Variants in EREG observed in about 807,000 individuals in gnomAD.
The protein encoded by EREG is proepiregulin.
A neutral mutation model predicts 22.4 loss-of-function variants in EREG; 23 were observed. The ratio of observed to expected loss-of-function variants is 1.03; its 90% CI spans 0.74 to 1.46. The LOEUF (loss-of-function observed/expected upper bound fraction) is 1.46, where lower values mean the gene tolerates loss of function less well. Among genes scored for constraint, EREG ranks in the 40% most tolerant of loss-of-function variants. The pLI, the probability that EREG is intolerant of heterozygous loss-of-function variation, is 0.00. For synonymous variants in EREG, 100 were observed against 75.4 expected (o/e 1.33, Z -1.69); for missense variants, 226 against 205.9 (o/e 1.10, Z -0.60).
Position 74,365,202 on chromosome 4 carries a change from C to A in EREG, c.-107C>A, listed in dbSNP as rs571188279. On this transcript the variant is annotated 5_prime_UTR_variant, in exon 1 of 5. In the 5' UTR this introduces an upstream ATG that the reference lacks. Transcript: ENST00000244869. Reference sequence around the variant, plus strand: ...CAGCCAACGTGGGGTCCCTTCTAGGCTGACAGCCGCTCTCCAGCCACTGCC... The same window carrying A: ...CAGCCAACGTGGGGTCCCTTCTAGGATGACAGCCGCTCTCCAGCCACTGCC... The A allele has an allele frequency of 1.2e-6, 1 of 838,914 alleles. No individual in the cohort carries two copies. Among genetic ancestry groups the A allele is most frequent in the Non-Finnish European group, 1.9e-6 (1 of 513,804 alleles). 52.0% of individuals were successfully genotyped at this position (838,914 alleles called of 1,614,324 possible). A position where few individuals can be genotyped will look rare whatever the true frequency, so the allele number is the denominator to read the frequency against.
intron 1 of EREG, among the ~76,000 whole-genome samples, chr4:74,371,032 A>G (rs111818342): frequency 0.015 from 2,237 of 152,142 alleles, 55 homozygotes; most frequent in African/African-American, 0.051. Flanking sequence ...GTCTCTACCC[A>G]CTAGATGTCA....
chr4:74,365,605 T>A (rs373857602), intron 1 of EREG, among the ~76,000 whole-genome samples: 1 of 151,988 alleles, frequency 6.6e-6, no homozygotes, highest in African/African-American at 2.4e-5. Context: ...TATTGGCATA[T>A]ATGTTATGCA....
intron 1 of EREG, among the ~76,000 whole-genome samples, chr4:74,376,433 ATTAG>A (rs1327717352): frequency 8.5e-5 from 13 of 152,226 alleles, no homozygotes; most frequent in African/African-American, 3.1e-4. Flanking sequence ...AGGAAACTGT[ATTAG>A]TTAAAGGATT....
intron 1 of EREG, among the ~76,000 whole-genome samples, chr4:74,377,077 G>T (rs1752393764): frequency 6.6e-6 from 1 of 151,268 alleles, no homozygotes; most frequent in Non-Finnish European, 1.5e-5. Flanking sequence ...CCAGAAGAGG[G>T]CACTGTCCAC....
intron 2 of EREG, 100 bp downstream of exon 2, chr4:74,379,634 G>C (rs1752441656): frequency 2.9e-6 from 2 of 680,492 alleles, no homozygotes; most frequent in Non-Finnish European, 2.6e-6. Context: ...TTTAAAAAAG[G>C]GTAAGAATAG....
rs557743497 is a variant in EREG, at chr4:74,371,639, T to C, written c.67+6264T>C. Among the ~76,000 whole-genome samples, 54 of 152,310 alleles carry C rather than the reference T, an allele frequency of 3.5e-4. No individual in the cohort carries two copies. The South Asian group carries it at 0.011, about 31-fold the overall frequency. On this transcript the variant is annotated intron_variant, in intron 1 of 4. Coordinates refer to ENST00000244869, the MANE Select transcript of EREG (RefSeq NM_001432.3). The stretch of plus-strand genomic sequence containing the variant: ...GTCTTCCATTCCTTTAAAGGCAGTA[T>C]CTCCTCATATGACTTTCAAATAGAC...
intron 1 of EREG, among the ~76,000 whole-genome samples, chr4:74,368,661 G>A (rs1320024596): frequency 2.6e-5 from 4 of 152,128 alleles, no homozygotes; most frequent in Non-Finnish European, 2.9e-5. Context: ...TAATGTTCAC[G>A]TGAAAGATGC....
rs145342792 is a variant in EREG at position 74,384,798 on chromosome 4, C to T, written c.500C>T (p.Pro167Leu). Residue 167 changes from proline (P) to leucine (L), a missense_variant, in exon 5 of 5, where the codon CCG becomes CTG. By Grantham distance (98) the Pro-to-Leu change is moderately conservative (BLOSUM62 -3). Transcript: ENST00000244869. The stretch of plus-strand genomic sequence containing the variant: ...GTTACCTCAGGGGATCCAGAGTTGC[C>T]GCAAGTCTGAATGGCGCCATCAAAC... ...ERVTSGDPEL[P>L]QV 2.7e-5 allele frequency: 43 copies of T among 1,609,360 alleles called. No homozygotes were observed. The highest frequency in any genetic ancestry group is 8.0e-5 in the African/African-American group (6 of 74,748).
rs1452728785 is a variant in EREG at position 74,384,752 on chromosome 4, C to A, written c.454C>A (p.Pro152Thr). 2 of 1,612,244 alleles carry A rather than the reference C, an allele frequency of 1.2e-6. No homozygotes were observed. Among genetic ancestry groups the A allele is most frequent in the East Asian group, 4.5e-5 (2 of 44,830 alleles). ...GTACAGAAATCGAAAAAGTAAAGAA[C>A]CAAAGAAGGAATATGAGAGAGTTAC... ...RWYRNRKSKE[P>T]KKEYERVTSG... The change falls in exon 5 of 5, where the codon CCA becomes ACA. Residue 152 changes from proline (P) to threonine (T), a missense_variant. Transcript: ENST00000244869.
rs1452682650 is a variant in EREG, at chr4:74,379,456, C to T, written c.76C>T (p.Leu26Phe). 1 of 1,601,490 alleles carries T rather than the reference C, an allele frequency of 6.2e-7. No individual in the cohort carries two copies. The highest frequency in any genetic ancestry group is 8.6e-7 in the Non-Finnish European group (1 of 1,168,838). Reference protein sequence around the residue: ...PALLLCLGFHLLQAVLSTTVI... With the variant: ...PALLLCLGFHFLQAVLSTTVI... ...TTTTTCTTCATAAATAGGTTTCCAT[C>T]TTCTACAGGCAGTCCTCAGTACAAC... The change falls in exon 2 of 5, where the codon CTT becomes TTT. Residue 26 changes from leucine to phenylalanine, a missense_variant. Physicochemically the swap from Leu to Phe is conservative, Grantham distance 22. Coordinates refer to ENST00000244869, the MANE Select transcript of EREG (RefSeq NM_001432.3).
chr4:74,366,658 G>C (rs1170528827), intron 1 of EREG, among the ~76,000 whole-genome samples: 1 of 152,176 alleles, frequency 6.6e-6, no homozygotes, highest in African/African-American at 2.4e-5. Context: ...GGTTGCATCT[G>C]AACAATGCAC....
At chr4:74,373,018 T>G (rs1752318772) in intron 1 of EREG, among the ~76,000 whole-genome samples, 1 of 146,450 alleles carries the variant, frequency 6.8e-6, no homozygotes, top group Non-Finnish European at 1.5e-5. Flanking sequence ...GGTTTCACCA[T>G]GTTGGCCAGG....
intron 1 of EREG, among the ~76,000 whole-genome samples, chr4:74,367,126 T>C (rs1227161463): frequency 6.6e-6 from 1 of 152,246 alleles, no homozygotes; most frequent in Non-Finnish European, 1.5e-5. Context: ...ATGTTATAAC[T>C]GCTTTATGTA....
In EREG at chr4:74,365,177, C is replaced by T; in HGVS notation, c.-132C>T. 1 of 684,074 alleles carries T rather than the reference C, an allele frequency of 1.5e-6. No homozygotes were observed. Among genetic ancestry groups the T allele is most frequent in the South Asian group, 1.7e-5 (1 of 59,624 alleles). The allele number at this position is 684,074 out of a possible 1,614,324, so 42.4% of individuals were successfully genotyped here. ...TGATATTTCCAGTGTCAGAGGGACA[C>T]AGCCAACGTGGGGTCCCTTCTAGGC... On this transcript the variant is annotated 5_prime_UTR_variant, in exon 1 of 5. Transcript: ENST00000244869.
In EREG at chr4:74,365,243, C is replaced by T. The variant is rs934720640; in HGVS notation, c.-66C>T. The T allele has an allele frequency of 1.2e-5, 16 of 1,355,168 alleles. No homozygotes were observed. The African/African-American group carries it at 1.7e-4, about 14-fold the overall frequency. The allele number at this position is 1,355,168 out of a possible 1,614,324, so 83.9% of individuals were successfully genotyped here. The stretch of plus-strand genomic sequence containing the variant: ...AGCCACTGCCGCGAGCCCGTCTGCT[C>T]CCGCCCTGCCCGTGCACTCTCCGCA... On this transcript the variant is annotated 5_prime_UTR_variant, in exon 1 of 5. Coordinates refer to ENST00000244869, the MANE Select transcript of EREG (RefSeq NM_001432.3).
At chr4:74,378,712 C>A (rs59257046) in intron 1 of EREG, among the ~76,000 whole-genome samples, 10,987 of 152,128 alleles carry the variant, frequency 0.072, 666 homozygotes, top group African/African-American at 0.17. Flanking sequence ...AAGGGTTCTT[C>A]TTATGATGAT....
rs1306779168 is a variant in EREG, at chr4:74,386,048, G to T, written c.*1240G>T. ...ACTAGGGCTCATTTTCCTGACATTT[G>T]TTTATTTTTTGGAAGAGACAAAGAT... On this transcript the variant is annotated 3_prime_UTR_variant, in exon 5 of 5. Transcript: ENST00000244869. The T allele has an allele frequency of 1.7e-5, 6 of 358,598 alleles. No individual in the cohort carries two copies. The highest frequency in any genetic ancestry group is 1.3e-4 in the African/African-American group (6 of 47,826). 22.2% of individuals were successfully genotyped at this position (358,598 alleles called of 1,614,324 possible).
chr4:74,378,092 C>A (rs1262906410), intron 1 of EREG, among the ~76,000 whole-genome samples: 1 of 152,206 alleles, frequency 6.6e-6, no homozygotes, highest in African/African-American at 2.4e-5. Context: ...TTACCACTTA[C>A]TTAGCTACTT....
intron 1 of EREG, among the ~76,000 whole-genome samples, chr4:74,373,663 G>GTGTATATATT (rs1182585807): frequency 2.0e-5 from 3 of 147,232 alleles, no homozygotes; most frequent in African/African-American, 7.4e-5. Context: ...ATGTATATAT[G>GTGTATATATT]TGTTCATATA....
Sources: allele counts gnomAD v4.1 joint callset (sites outside exome capture counted in the v4.1 genomes callset), GRCh38; gene constraint gnomAD v4.1.1; transcripts MANE v1.5; gene names NCBI Gene and HGNC (gene_info 2026-07-23, HGNC 2026-07-21).